Variants in TRHDE observed in about 807,000 individuals in gnomAD.
The protein encoded by TRHDE is thyrotropin releasing hormone degrading enzyme.
In TRHDE, 72 loss-of-function variants were observed where a neutral mutation model predicts 125.7. The observed-to-expected ratio is 0.57, with a 90% CI of 0.47 to 0.70. The LOEUF is 0.70. TRHDE is among the 30% of genes least tolerant of loss of function. TRHDE has a pLI of 0.00. For synonymous variants in TRHDE, 509 were observed against 509.1 expected (o/e 1.00, Z 0.00); for missense variants, 1,110 against 1,327.1 (o/e 0.84, Z 2.54).
chr12:72,402,120 G>T (rs1317463442), intron 3 of TRHDE, among the ~76,000 whole-genome samples: 2 of 152,074 alleles, frequency 1.3e-5, no homozygotes, highest in Admixed American at 1.3e-4. Context: ...CCAGATCAAG[G>T]TGTTGGTAGG....
At chr12:72,600,060 C>A (rs1485712058) in intron 12 of TRHDE, among the ~76,000 whole-genome samples, 1 of 151,804 alleles carries the variant, frequency 6.6e-6, no homozygotes, top group Admixed American at 6.6e-5. Context: ...TGTAGGTGTG[C>A]GACTTTATTT....
intron 5 of TRHDE, among the ~76,000 whole-genome samples, chr12:72,497,789 A>G (rs1877983098): frequency 1.3e-5 from 2 of 152,072 alleles, no homozygotes; most frequent in East Asian, 1.9e-4. Flanking sequence ...AGACTATGCT[A>G]TTTTTCTGAG....
At chr12:72,499,300 C>T (rs113650548) in intron 5 of TRHDE, among the ~76,000 whole-genome samples, 198 bp from the exon 6 acceptor site, 1 of 152,050 alleles carries the variant, frequency 6.6e-6, no homozygotes, top group African/African-American at 2.4e-5. Context: ...GATTTTGTTT[C>T]GTGGTGTGCT....
intron 5 of TRHDE, among the ~76,000 whole-genome samples, chr12:72,481,631 A>C (rs978654886): frequency 2.7e-5 from 4 of 150,562 alleles, no homozygotes; most frequent in African/African-American, 9.8e-5. Context: ...CCATTCAGGC[A>C]GCTCTTCTCA....
At chr12:72,254,512 G>A (rs1878761867) in intron 2 of TRHDE, 1 of 152,116 alleles carries the variant, frequency 6.6e-6, no homozygotes, top group African/African-American at 2.4e-5. Context: ...CATTATCTAT[G>A]TTCTACTTAC....
At chr12:72,210,559 A>G (rs981133418) in intron 2 of TRHDE, among the ~76,000 whole-genome samples, 1 of 152,234 alleles carries the variant, frequency 6.6e-6, no homozygotes, top group African/African-American at 2.4e-5. Flanking sequence ...TGACTCCTAC[A>G]AATATGAAAT....
chr12:72,561,804 T>G (rs1300052604), intron 7 of TRHDE, among the ~76,000 whole-genome samples: 1 of 152,152 alleles, frequency 6.6e-6, no homozygotes, highest in African/African-American at 2.4e-5. Context: ...TTTTCAACAC[T>G]TTAACGCAAA....
Position 72,621,222 on chromosome 12 carries a change from T to C in TRHDE, c.2567+17T>C, listed in dbSNP as rs560014838. On this transcript the variant is annotated intron_variant, in intron 14 of 18. Coordinates refer to ENST00000261180, the MANE Select transcript of TRHDE (RefSeq NM_013381.3). ...CCAACATGAGTACTGTTTTATTTTC[T>C]TATCCTCTTCTTTACCCCTAGAGCT... 3 of 1,525,592 alleles carry C rather than the reference T, an allele frequency of 2.0e-6. No homozygotes were observed. Among genetic ancestry groups the C allele is most frequent in the South Asian group, 1.1e-5 (1 of 89,092 alleles). 94.5% of individuals were successfully genotyped at this position (1,525,592 alleles called of 1,614,324 possible).
At chr12:72,233,626 C>T (rs868016903) in intron 2 of TRHDE, among the ~76,000 whole-genome samples, 8 of 152,096 alleles carry the variant, frequency 5.3e-5, no homozygotes, top group African/African-American at 7.2e-5. Context: ...CATTACTTAG[C>T]GTTATTCTAG....
At chr12:72,192,340 AAGTTTAAAAT>A (rs1344346602) in intron 2 of TRHDE, among the ~76,000 whole-genome samples, 1 of 152,120 alleles carries the variant, frequency 6.6e-6, no homozygotes, top group African/African-American at 2.4e-5. Context: ...TTTTAAGCCG[AAGTTTAAAAT>A]AGAAATCAAT....
chr12:72,495,086 T>TA (rs71071835), intron 5 of TRHDE, among the ~76,000 whole-genome samples: 9,259 of 126,494 alleles, frequency 0.073, 1,018 homozygotes, highest in East Asian at 0.43. Flanking sequence ...TTTTTTTTTT[T>TA]AAGTTTCATC....
At chr12:72,531,999 T>C (rs1298929504) in intron 6 of TRHDE, among the ~76,000 whole-genome samples, 1 of 152,138 alleles carries the variant, frequency 6.6e-6, no homozygotes, top group Non-Finnish European at 1.5e-5. Flanking sequence ...AGAAATTATT[T>C]TGAGAAGTTT....
At chr12:72,252,994 G>A (rs573880199) in intron 2 of TRHDE, among the ~76,000 whole-genome samples, 1 of 152,144 alleles carries the variant, frequency 6.6e-6, no homozygotes, top group African/African-American at 2.4e-5. Context: ...CCATTGGTAG[G>A]TTCTTAGAAA....
At position 72,273,779 on chromosome 12, in the gene TRHDE, A is replaced by C. The variant is rs369586366; in HGVS notation, c.914+222A>C. On this transcript the variant is annotated intron_variant, in intron 1 of 18. Transcript: ENST00000261180. The surrounding 1 kb of genome is among the most constrained non-coding windows in gnomAD (Gnocchi z 5.3). ...TCGCAAACTGACTCACCGGTGCCAA[A>C]AGATGAATGCTGCCCCCTCCTCTAG... 21 of 544,134 alleles carry C rather than the reference A, an allele frequency of 3.9e-5. No individual in the cohort carries two copies. Among genetic ancestry groups the C allele is most frequent in the East Asian group, 2.6e-4 (9 of 34,944 alleles). The allele number at this position is 544,134 out of a possible 1,614,324, so 33.7% of individuals were successfully genotyped here.
intron 6 of TRHDE, among the ~76,000 whole-genome samples, chr12:72,506,959 T>G (rs1187281595): frequency 1.3e-5 from 2 of 152,160 alleles, no homozygotes; most frequent in African/African-American, 4.8e-5. Flanking sequence ...CCCCTTGCTG[T>G]TCTCCTGATA....
At chr12:72,309,649 A>G (rs1337224284) in intron 2 of TRHDE, 1 of 151,520 alleles carries the variant, frequency 6.6e-6, no homozygotes, top group African/African-American at 2.4e-5. Context: ...ATGTGTTGAG[A>G]GATGCAGAGA....
rs1348844412 is a variant in TRHDE, at chr12:72,238,317, T to TA, written n.279+132566dup. ...ATATATATATATATATATATATATA[T>TA]ATATACATATATATATACACATTAT... On this transcript the variant is annotated intron_variant and non_coding_transcript_variant, in intron 2 of 4. Coordinates refer to the TRHDE transcript ENST00000548156. 1.3e-4 allele frequency among the ~76,000 whole-genome samples: 4 copies of TA among 31,536 alleles called. 1 individual carries two copies. Among genetic ancestry groups the TA allele is most frequent in the African/African-American group, 4.4e-4 (4 of 9,072 alleles). 20.7% of individuals were successfully genotyped at this position (31,536 alleles called of 152,430 possible). A position where few individuals can be genotyped will look rare whatever the true frequency, so the allele number is the denominator to read the frequency against.
intron 2 of TRHDE, among the ~76,000 whole-genome samples, chr12:72,319,097 T>C (rs959840123): frequency 6.6e-6 from 1 of 152,138 alleles, no homozygotes; most frequent in African/African-American, 2.4e-5. Flanking sequence ...CAGTAAATAC[T>C]GAGAATACAG....
intron 2 of TRHDE, among the ~76,000 whole-genome samples, chr12:72,335,621 C>T (rs551453004): frequency 2.0e-4 from 30 of 152,190 alleles, no homozygotes; most frequent in African/African-American, 3.1e-4. Context: ...AGGGCACAGA[C>T]GGTGTCATAA....
Sources: gnomAD v4.1 joint callset for allele counts (sites outside exome capture counted in the v4.1 genomes callset) on GRCh38, gnomAD v4.1.1 for gene constraint, Gnocchi (gnomAD v3.1) non-coding constraint, MANE v1.5 for transcripts, NCBI Gene and HGNC (gene_info 2026-07-23, HGNC 2026-07-21) for gene names.